The following GNPAT variants were observed in gnomAD, a reference collection of about 807,000 sequenced individuals.
The protein encoded by GNPAT is glyceronephosphate O-acyltransferase.
A neutral mutation model predicts 78.4 loss-of-function variants in GNPAT; 30 were observed. The observed-to-expected ratio is 0.38, with a 90% CI of 0.29 to 0.52. GNPAT has a LOEUF of 0.52. Among genes scored for constraint, GNPAT ranks in the 20% least tolerant of loss-of-function variants. The pLI is 0.84. For synonymous variants in GNPAT, 271 were observed against 281.1 expected, an observed-to-expected ratio of 0.96 and a Z score of 0.36; for missense variants, 714 against 812.2, an observed-to-expected ratio of 0.88 and a Z score of 1.47.
At chr1:231,261,100 T>C (rs1008437425) in intron 3 of GNPAT, among the ~76,000 whole-genome samples, 2 of 152,218 alleles carry the variant, frequency 1.3e-5, no homozygotes, top group Admixed American at 6.5e-5. Context: ...CATTATCTTA[T>C]GGTACAAGTA....
In GNPAT at chr1:231,275,577, A is replaced by G. The variant is rs1047229253; in HGVS notation, c.1937+79A>G. On this transcript the variant is annotated intron_variant, in intron 14 of 15. Transcript: ENST00000366647. ...ATTTGAGCTCAAAATCCAGAGAGAC[A>G]TAGAAATGGATGATCTAGGAAATGC... 4 of 831,210 alleles carry G rather than the reference A, an allele frequency of 4.8e-6. No homozygotes were observed. The African/African-American group carries it at 6.7e-5, about 14-fold the overall frequency. The allele number at this position is 831,210 out of a possible 1,614,324, so 51.5% of individuals were successfully genotyped here.
rs199844062 is a variant in GNPAT at position 231,241,435 on chromosome 1, C to T, written c.57C>T (p.Ser19=). ...SYFSVGPTSP[S]AVVLLYSKEL... is the part of the protein sequence containing the mutation. Reference sequence around the variant, plus strand: ...TCTCCGTTGGCCCAACCAGTCCCAGCGCTGTCGTGCTCCTCTACTCGGTAG... The same window carrying T: ...TCTCCGTTGGCCCAACCAGTCCCAGTGCTGTCGTGCTCCTCTACTCGGTAG... The change falls in exon 1 of 16, where the codon AGC becomes AGT. Residue 19 remains serine, a synonymous_variant. Coordinates refer to ENST00000366647, the MANE Select transcript of GNPAT (RefSeq NM_014236.4). 215 of 1,613,108 alleles carry T rather than the reference C, an allele frequency of 1.3e-4. 1 individual carries two copies. Among genetic ancestry groups the T allele is most frequent in the African/African-American group, 2.7e-5 (2 of 75,036 alleles).
intron 4 of GNPAT, among the ~76,000 whole-genome samples, chr1:231,264,698 C>G (rs1005533011): frequency 2.0e-5 from 3 of 152,200 alleles, no homozygotes; most frequent in Non-Finnish European, 4.4e-5. Flanking sequence ...CTTATTTAAT[C>G]TCTTCCAACA....
intron 5 of GNPAT, 51 bp downstream of exon 5, chr1:231,265,471 T>C (rs1195832512): frequency 1.4e-6 from 2 of 1,462,104 alleles, no homozygotes; most frequent in Non-Finnish European, 1.9e-6. Context: ...TCTTCACTGA[T>C]GTTTGCTCAT....
At chr1:231,256,379 T>G (rs1685059592) in intron 2 of GNPAT, among the ~76,000 whole-genome samples, 1 of 147,066 alleles carries the variant, frequency 6.8e-6, no homozygotes, top group African/African-American at 2.5e-5. Context: ...GAATGGCCCC[T>G]CCATGCACTG....
Position 231,275,624 on chromosome 1 carries a change from A to G in GNPAT, c.1937+126A>G, listed in dbSNP as rs1490134961. 4 of 712,204 alleles carry G rather than the reference A, an allele frequency of 5.6e-6. No homozygotes were observed. In the East Asian group the frequency reaches 1.1e-4, roughly 19 times the overall value. 44.1% of individuals were successfully genotyped at this position (712,204 alleles called of 1,614,324 possible). ...ATGCTATATTCTACTTTCCTTATCC[A>G]TCCTCTAATTAGTTAAGTCAGTGTG... On this transcript the variant is annotated intron_variant, in intron 14 of 15. Transcript: ENST00000366647.
chr1:231,241,890 A>G (rs2102792252), intron 1 of GNPAT, among the ~76,000 whole-genome samples: 1 of 152,328 alleles, frequency 6.6e-6, no homozygotes, highest in South Asian at 2.1e-4. Flanking sequence ...CTGCTGTTAT[A>G]TTCCTGGGAG....
Position 231,277,821 on chromosome 1 carries a change from A to C in GNPAT, c.*279A>C, listed in dbSNP as rs1685759510. 1 of 386,140 alleles carries C rather than the reference A, an allele frequency of 2.6e-6. No homozygotes were observed. Among genetic ancestry groups the C allele is most frequent in the African/African-American group, 2.0e-5 (1 of 49,288 alleles). The allele number at this position is 386,140 out of a possible 1,614,324, so 23.9% of individuals were successfully genotyped here. On this transcript the variant is annotated 3_prime_UTR_variant, in exon 16 of 16. Coordinates refer to ENST00000366647, the MANE Select transcript of GNPAT (RefSeq NM_014236.4). ...AAGCAAAGCTCAGCTCATTTCACTA[A>C]CACTTTTCAGCTTACTATATGTATT...
At chr1:231,267,634 CTAAG>C in intron 8 of GNPAT, 42 bp from the exon 9 acceptor site, 2 of 1,079,550 alleles carry the variant, frequency 1.9e-6, no homozygotes, top group East Asian at 4.7e-5. Context: ...CCCCATTTGT[CTAAG>C]TAACAGAACT....
intron 2 of GNPAT, among the ~76,000 whole-genome samples, chr1:231,252,723 T>C (rs1684932879): frequency 6.6e-6 from 1 of 151,958 alleles, no homozygotes; most frequent in Non-Finnish European, 1.5e-5. Context: ...TTTCTTTTGG[T>C]CCTCTATAAA....
Position 231,265,716 on chromosome 1 carries a change from G to A in GNPAT, c.701G>A (p.Gly234Asp), listed in dbSNP as rs1357620349. The A allele has an allele frequency of 3.8e-6, 6 of 1,582,238 alleles. No individual in the cohort carries two copies. Among genetic ancestry groups the A allele is most frequent in the African/African-American group, 1.3e-5 (1 of 74,456 alleles). Residue 234 changes from glycine (G) to aspartate (D), a missense_variant, in exon 6 of 16, where the codon GGT becomes GAT. Transcript: ENST00000366647. ...TTGTTTGTTTTCTCTTTAAAGAATG[G>A]TTATGCTCCTGTTGAATTTTTCCTC... is the stretch of plus-strand genomic sequence containing the variant. ...SEYVKTMLRN[G>D]YAPVEFFLEG...
At chr1:231,244,407 G>A (rs1412329470) in intron 1 of GNPAT, among the ~76,000 whole-genome samples, 3 of 152,200 alleles carry the variant, frequency 2.0e-5, no homozygotes, top group African/African-American at 7.2e-5. Flanking sequence ...TGATATTTAG[G>A]ACAGTAAATC....
chr1:231,263,941 G>T (rs1273528852), intron 4 of GNPAT, among the ~76,000 whole-genome samples: 1 of 152,012 alleles, frequency 6.6e-6, no homozygotes, highest in Non-Finnish European at 1.5e-5. Flanking sequence ...GTTGTTTGGG[G>T]CTTTTTTTGT....
At chr1:231,260,843 T>C (rs1379197335) in intron 3 of GNPAT, among the ~76,000 whole-genome samples, 160 bp downstream of exon 3, 1 of 152,170 alleles carries the variant, frequency 6.6e-6, no homozygotes, top group Non-Finnish European at 1.5e-5. Context: ...AGGCCTCCAG[T>C]CTAGGCAGAA....
intron 1 of GNPAT, among the ~76,000 whole-genome samples, chr1:231,249,939 G>C: frequency 6.6e-6 from 1 of 152,004 alleles, no homozygotes; most frequent in Non-Finnish European, 1.5e-5. Context: ...GGCAGGGGCT[G>C]AATAAGAAAT....
rs1685379794 is a variant in GNPAT, at chr1:231,266,176, T to C, written c.924+11T>C. On this transcript the variant is annotated intron_variant, in intron 7 of 15. Transcript: ENST00000366647. ...AAAGAGTCTACAACTGTACGTGAGCTTGATTTTAGCTTAATTGAGAGAATG... is the reference window on the plus strand; with the variant it reads ...AAAGAGTCTACAACTGTACGTGAGCCTGATTTTAGCTTAATTGAGAGAATG... The C allele has an allele frequency of 6.2e-7, 1 of 1,613,320 alleles. No individual in the cohort carries two copies. Among genetic ancestry groups the C allele is most frequent in the Non-Finnish European group, 8.5e-7 (1 of 1,179,550 alleles).
chr1:231,272,505 G>T (rs534175216), intron 11 of GNPAT, 114 bp downstream of exon 11: 13 of 699,412 alleles, frequency 1.9e-5, no homozygotes, highest in Non-Finnish European at 3.5e-5. Context: ...TCAAGGCAAA[G>T]TGGGGCAGAC....
At chr1:231,244,144 A>C (rs1002220605) in intron 1 of GNPAT, among the ~76,000 whole-genome samples, 2 of 152,132 alleles carry the variant, frequency 1.3e-5, no homozygotes, top group African/African-American at 4.8e-5. Context: ...CCCGGTCTCA[A>C]GTGATCCACC....
intron 15 of GNPAT, 23 bp downstream of exon 15, chr1:231,276,219 C>G: frequency 3.3e-6 from 4 of 1,204,256 alleles, no homozygotes; most frequent in Non-Finnish European, 4.9e-6. Context: ...TAATAAAATA[C>G]AAGTTTTCAC....
Sources: gnomAD v4.1 joint callset for allele counts (sites outside exome capture counted in the v4.1 genomes callset) on GRCh38, gnomAD v4.1.1 for gene constraint, MANE v1.5 for transcripts, NCBI Gene and HGNC (gene_info 2026-07-23, HGNC 2026-07-21) for gene names.